Variants in LACTB observed in about 807,000 individuals in gnomAD.
The protein encoded by LACTB is serine beta-lactamase-like protein LACTB, mitochondrial.
In LACTB, 35 loss-of-function variants were observed where a neutral mutation model predicts 50.2. That is an observed-to-expected ratio of 0.70 (90% CI 0.53 to 0.92). The LOEUF (loss-of-function observed/expected upper bound fraction) is 0.92. Among genes scored for constraint, LACTB ranks in the 40% least tolerant of loss-of-function variants. The probability of loss-of-function intolerance (pLI) is 0.00; values close to 1 mark genes in which losing one functional copy is unlikely to be tolerated. For missense variants in LACTB, 664 were observed against 691.8 expected (o/e 0.96, Z 0.45); for synonymous variants, 252 against 268.2 (o/e 0.94, Z 0.59).
intron 5 of LACTB, among the ~76,000 whole-genome samples, chr15:63,139,194 C>CAAAAAAAAAAAA (rs57605763): frequency 5.8e-5 from 1 of 17,182 alleles, no homozygotes; most frequent in Admixed American, 7.7e-4. Flanking sequence ...ACTAAAAATC[C>CAAAAAAAAAAAA]AAAAAAAAAA....
Position 63,122,102 on chromosome 15 carries a change from G to T in LACTB, c.231G>T (p.Ser77=). The T allele has an allele frequency of 6.8e-7, 1 of 1,471,058 alleles. No individual in the cohort carries two copies. The allele number at this position is 1,471,058 out of a possible 1,614,324, so 91.1% of individuals were successfully genotyped here. The part of the protein sequence containing the change: ...QSPAAPDPEA[S]PLAEPPQEQS... ...CCGCGGCCCCCGACCCTGAGGCGTC[G>T]CCTCTGGCCGAGCCGCCACAGGAGC... The change falls in exon 1 of 6, where the codon TCG becomes TCT. Residue 77 remains serine (S), a synonymous_variant. Coordinates refer to ENST00000261893, the MANE Select transcript of LACTB (RefSeq NM_032857.5).
chr15:63,128,091 C>T (rs1280659531), intron 4 of LACTB, among the ~76,000 whole-genome samples: 1 of 152,162 alleles, frequency 6.6e-6, no homozygotes, highest in African/African-American at 2.4e-5. Context: ...GTGTTCATCA[C>T]TAATTTTTTG....
chr15:63,125,186 T>A (rs1425300056), intron 2 of LACTB, among the ~76,000 whole-genome samples: 1 of 150,992 alleles, frequency 6.6e-6, no homozygotes, highest in Non-Finnish European at 1.5e-5. Flanking sequence ...TTTATTTTTT[T>A]TTTGGAGTTT....
intron 5 of LACTB, chr15:63,130,972 T>C (rs1240391772): frequency 1.3e-5 from 2 of 152,218 alleles, no homozygotes; most frequent in African/African-American, 4.8e-5. Context: ...CATCATCCAT[T>C]CTGTATTTAT....
At chr15:63,133,619 C>T (rs988551300) in intron 5 of LACTB, among the ~76,000 whole-genome samples, 34 of 152,170 alleles carry the variant, frequency 2.2e-4, no homozygotes, top group African/African-American at 7.7e-4. Context: ...TGTCTCTAAA[C>T]GTTAATTAAT....
In LACTB at chr15:63,141,903, G is replaced by A; in HGVS notation, c.*98G>A. ...CATTTTTAAGAATAAATTTGAAATA[G>A]AGTATAACTGAATGCAGAGAATTAT... is the stretch of plus-strand genomic sequence containing the variant. On this transcript the variant is annotated 3_prime_UTR_variant, in exon 6 of 6. Transcript: ENST00000261893. The A allele has an allele frequency of 2.0e-6, 2 of 998,896 alleles. No homozygotes were observed. Among genetic ancestry groups the A allele is most frequent in the Non-Finnish European group, 2.9e-6 (2 of 692,400 alleles). 61.9% of individuals were successfully genotyped at this position (998,896 alleles called of 1,614,324 possible).
At chr15:63,136,426 GT>G (rs1301000066) in intron 5 of LACTB, among the ~76,000 whole-genome samples, 1 of 151,580 alleles carries the variant, frequency 6.6e-6, no homozygotes, top group Non-Finnish European at 1.5e-5. Context: ...TGGTTTTTTT[GT>G]TTTGTCTTGT....
At chr15:63,125,411 G>A (rs1310439591) in intron 2 of LACTB, among the ~76,000 whole-genome samples, 1 of 151,830 alleles carries the variant, frequency 6.6e-6, no homozygotes, top group Non-Finnish European at 1.5e-5. Flanking sequence ...CAGGTGATGC[G>A]CCTGCCTCGG....
At chr15:63,122,482 A>T in intron 1 of LACTB, 154 bp from the exon 2 acceptor site, 1 of 751,042 alleles carries the variant, frequency 1.3e-6, no homozygotes, top group Non-Finnish European at 2.4e-6. Flanking sequence ...CCTTGCTGTT[A>T]GTGAGTGACC....
rs1251918482 is a variant in LACTB, at chr15:63,122,233, G to T, written c.357+5G>T. The T allele has an allele frequency of 6.4e-7, 1 of 1,550,472 alleles. No individual in the cohort carries two copies. The highest frequency in any genetic ancestry group is 1.9e-5 in the Admixed American group (1 of 52,628). On this transcript the variant is annotated splice_donor_5th_base_variant and intron_variant, in intron 1 of 5. Coordinates refer to ENST00000261893, the MANE Select transcript of LACTB (RefSeq NM_032857.5). ...GACCTGCTGCACAGGATCAAGGTGC[G>T]GCCACTGGAGCGGGGGGCGTAGGGG...
At chr15:63,127,174 T>G in intron 3 of LACTB, 125 bp downstream of exon 3, 1 of 940,894 alleles carries the variant, frequency 1.1e-6, no homozygotes, top group Non-Finnish European at 1.6e-6. Context: ...TTAGTTTTTC[T>G]TAATCCAGAT....
In LACTB at chr15:63,129,603, G is replaced by C; in HGVS notation, c.1071G>C (p.Leu357=). Residue 357 remains leucine (L), a synonymous_variant, in exon 5 of 6, where the codon CTG becomes CTC. Coordinates refer to ENST00000261893, the MANE Select transcript of LACTB (RefSeq NM_032857.5). ...MQKIFHDLDM[L]TTVQEENEPV... is the part of the protein sequence containing the mutation. ...AAATATTCCATGACTTGGATATGCT[G>C]ACGACTGTGCAGGAAGAAAACGAGC... 1 of 1,612,464 alleles carries C rather than the reference G, an allele frequency of 6.2e-7. No individual in the cohort carries two copies. Among genetic ancestry groups the C allele is most frequent in the Non-Finnish European group, 8.5e-7 (1 of 1,179,404 alleles).
chr15:63,132,084 C>T (rs1009995464), intron 5 of LACTB, among the ~76,000 whole-genome samples: 3 of 152,126 alleles, frequency 2.0e-5, no homozygotes, highest in Non-Finnish European at 4.4e-5. Flanking sequence ...TCAGGGTGTA[C>T]ATGTGCAGGT....
chr15:63,136,462 G>A (rs1267232950), intron 5 of LACTB, among the ~76,000 whole-genome samples: 1 of 152,026 alleles, frequency 6.6e-6, no homozygotes, highest in Non-Finnish European at 1.5e-5. Flanking sequence ...GTTCTCGATG[G>A]TTCTAAAGGG....
chr15:63,127,684 A>T lies in LACTB; in HGVS notation c.947A>T (p.Lys316Ile), dbSNP rs774327364. ...TTTAAAAATGATCCTTTGTTCTTCAAACCTGGTGAGTGTTAATCCCTTCTC... is the reference window on the plus strand; with the variant it reads ...TTTAAAAATGATCCTTTGTTCTTCATACCTGGTGAGTGTTAATCCCTTCTC... ...RLFKNDPLFF[K>I]PGSQFLYSTF... is the part of the protein sequence containing the mutation. Residue 316 changes from lysine (K) to isoleucine (I), a missense_variant, in exon 4 of 6, where the codon AAA (lysine) becomes ATA (isoleucine). Physicochemically the swap from Lys to Ile is moderately radical, Grantham distance 102. Coordinates refer to ENST00000261893, the MANE Select transcript of LACTB (RefSeq NM_032857.5). 8 of 1,576,422 alleles carry T rather than the reference A, an allele frequency of 5.1e-6. No homozygotes were observed. Among genetic ancestry groups the T allele is most frequent in the South Asian group, 1.1e-5 (1 of 87,750 alleles).
intron 5 of LACTB, among the ~76,000 whole-genome samples, chr15:63,135,009 A>T (rs1404646510): frequency 6.6e-6 from 1 of 152,186 alleles, no homozygotes; most frequent in Non-Finnish European, 1.5e-5. Flanking sequence ...TACTGATAGG[A>T]ATTTTACAGT....
chr15:63,131,400 A>T (rs1269039726), intron 5 of LACTB: 2 of 152,212 alleles, frequency 1.3e-5, no homozygotes, highest in Non-Finnish European at 2.9e-5. Flanking sequence ...TCATTATTTA[A>T]TATGTTGCTT....
At chr15:63,138,123 C>T (rs375028466) in intron 5 of LACTB, among the ~76,000 whole-genome samples, 5 of 152,018 alleles carry the variant, frequency 3.3e-5, no homozygotes, top group East Asian at 1.9e-4. Context: ...CCCAGGAGTT[C>T]GAGACCACCC....
Position 63,141,233 on chromosome 15 carries a change from G to C in LACTB, c.1119-47G>C, listed in dbSNP as rs750696670. 56 of 1,541,502 alleles carry C rather than the reference G, an allele frequency of 3.6e-5. No homozygotes were observed. The Admixed American group carries it at 1.1e-3, about 31-fold the overall frequency. On this transcript the variant is annotated intron_variant, in intron 5 of 5. Transcript: ENST00000261893. Reference sequence around the variant, plus strand: ...ACATTTTTCTATCATCATGTGTGAAGCCAGTGACTATGAAATTTTTCATGA... The same window carrying C: ...ACATTTTTCTATCATCATGTGTGAACCCAGTGACTATGAAATTTTTCATGA...
Sources: gnomAD v4.1 joint callset for allele counts (sites outside exome capture counted in the v4.1 genomes callset) on GRCh38, gnomAD v4.1.1 for gene constraint, MANE v1.5 for transcripts, NCBI Gene and HGNC (gene_info 2026-07-23, HGNC 2026-07-21) for gene names.